NCOA7: variants seen among roughly 807,000 people sequenced by gnomAD.
The protein encoded by NCOA7 is 140 kDa estrogen receptor-associated protein.
Under a neutral mutation model 104.3 loss-of-function variants are expected in NCOA7, and 45 were observed. That is an observed-to-expected ratio of 0.43 (90% CI 0.34 to 0.55). The LOEUF is 0.55. Ranked by LOEUF, NCOA7 falls within the 20% of genes least tolerant of loss-of-function variation. The pLI is 0.02. For missense variants in NCOA7, 1,041 were observed against 1,119.7 expected (o/e 0.93, Z 1.00); for synonymous variants, 398 against 402.3 (o/e 0.99, Z 0.13).
At chr6:125,839,414 G>GT (rs1779917721) in intron 2 of NCOA7, among the ~76,000 whole-genome samples, 8 of 152,234 alleles carry the variant, frequency 5.3e-5, no homozygotes, top group African/African-American at 1.9e-4. Context: ...CACTGCGCGA[G>GT]GCCTAGGCCT....
At position 125,918,496 on chromosome 6, in the gene NCOA7, C is replaced by T. The variant is rs554994870; in HGVS notation, c.2245-2447C>T. Among the ~76,000 whole-genome samples, 15 of 152,218 alleles carry T rather than the reference C, an allele frequency of 9.9e-5. No homozygotes were observed. The South Asian group carries it at 2.3e-3, about 23-fold the overall frequency. On this transcript the variant is annotated intron_variant, in intron 11 of 15. Transcript: ENST00000392477. Reference sequence around the variant, plus strand: ...GAGCAATACAATACACTCTGATCCCCGCAGCTGTGCCCAAGACTGAAAGGC... The same window carrying T: ...GAGCAATACAATACACTCTGATCCCTGCAGCTGTGCCCAAGACTGAAAGGC...
intron 1 of NCOA7, among the ~76,000 whole-genome samples, chr6:125,797,002 C>G (rs2128548890): frequency 6.6e-6 from 1 of 152,298 alleles, no homozygotes; most frequent in South Asian, 2.1e-4. Flanking sequence ...TTTACTAATT[C>G]TCAAACATTG....
chr6:125,798,777 C>T (rs1775585502), intron 1 of NCOA7, among the ~76,000 whole-genome samples: 1 of 151,996 alleles, frequency 6.6e-6, no homozygotes, highest in Non-Finnish European at 1.5e-5. Flanking sequence ...ATTTGGTATC[C>T]ATATGTATTA....
Position 125,839,749 on chromosome 6 carries a change from A to T in NCOA7, c.51-15271A>T, listed in dbSNP as rs144696891. ...CCATAAGATTATGATGGGGCTAACAAATTCTATCATCCAGTAACATTGTCA... is the reference window on the plus strand; with the variant it reads ...CCATAAGATTATGATGGGGCTAACATATTCTATCATCCAGTAACATTGTCA... On this transcript the variant is annotated intron_variant, in intron 2 of 15. Transcript: ENST00000392477. Among the ~76,000 whole-genome samples the T allele has an allele frequency of 9.6e-3, 1,469 of 152,240 alleles. 26 individuals carry two copies. The highest frequency in any genetic ancestry group is 0.034 in the African/African-American group (1,397 of 41,492).
chr6:125,883,265 A>G (rs1036684373), intron 7 of NCOA7, among the ~76,000 whole-genome samples: 6 of 152,214 alleles, frequency 3.9e-5, no homozygotes, highest in Non-Finnish European at 8.8e-5. Flanking sequence ...AGTTTTAGAT[A>G]ATAGGAAAAA....
intron 2 of NCOA7, among the ~76,000 whole-genome samples, chr6:125,823,445 C>T (rs1009928995): frequency 9.9e-5 from 15 of 152,056 alleles, no homozygotes; most frequent in Admixed American, 9.8e-4. Context: ...GCTGCTAGTA[C>T]CTTATTTGAC....
In NCOA7 at chr6:125,927,599, C is replaced by G. The variant is rs1788145383; in HGVS notation, c.2524-64C>G. 3.2e-6 allele frequency: 4 copies of G among 1,248,698 alleles called. No individual in the cohort carries two copies. The South Asian group carries it at 3.6e-5, about 11-fold the overall frequency. 77.4% of individuals were successfully genotyped at this position (1,248,698 alleles called of 1,614,324 possible). ...AGAACATGATGTATCAAAAATATTCCAGAAAGCCTTGCTTTGGGGATTTAG... is the reference window on the plus strand; with the variant it reads ...AGAACATGATGTATCAAAAATATTCGAGAAAGCCTTGCTTTGGGGATTTAG... On this transcript the variant is annotated intron_variant, in intron 13 of 15. Transcript: ENST00000392477.
At chr6:125,853,276 T>A (rs1171995085) in intron 2 of NCOA7, among the ~76,000 whole-genome samples, 2 of 152,246 alleles carry the variant, frequency 1.3e-5, no homozygotes, top group Admixed American at 6.5e-5. Context: ...GAGACTTTAC[T>A]GAATTTATCA....
At chr6:125,798,489 G>T (rs1469901665) in intron 1 of NCOA7, among the ~76,000 whole-genome samples, 2 of 152,110 alleles carry the variant, frequency 1.3e-5, no homozygotes, top group African/African-American at 4.8e-5. Context: ...ATTATCAAGG[G>T]TGTTACTGTA....
chr6:125,857,523 C>T (rs964685680), intron 3 of NCOA7, among the ~76,000 whole-genome samples: 8 of 151,708 alleles, frequency 5.3e-5, no homozygotes, highest in African/African-American at 1.9e-4. Flanking sequence ...CTTCCGGCCT[C>T]GAAGTCCGAC....
chr6:125,813,448 A>G (rs1035075160), intron 1 of NCOA7, among the ~76,000 whole-genome samples: 1 of 146,678 alleles, frequency 6.8e-6, no homozygotes, highest in Non-Finnish European at 1.5e-5. Context: ...TGGGAAATGC[A>G]ATTTTTTTTT....
intron 3 of NCOA7, among the ~76,000 whole-genome samples, chr6:125,861,590 TAAATGG>T (rs1782054166): frequency 6.6e-6 from 1 of 152,120 alleles, no homozygotes; most frequent in Admixed American, 6.5e-5. Context: ...GGGTATAAAA[TAAATGG>T]AAATTATTTG....
intron 13 of NCOA7, among the ~76,000 whole-genome samples, chr6:125,924,681 A>C (rs1787871615): frequency 1.3e-5 from 2 of 152,230 alleles, no homozygotes; most frequent in Non-Finnish European, 2.9e-5. Flanking sequence ...CAGTGAGGGA[A>C]TATTTATTCA....
chr6:125,918,848 G>A (rs1031542957), intron 11 of NCOA7, among the ~76,000 whole-genome samples: 3 of 151,790 alleles, frequency 2.0e-5, no homozygotes, highest in East Asian at 3.9e-4. Context: ...TACCTCCACC[G>A]AAGGCTCCTT....
At chr6:125,880,648 C>T (rs1783749341) in intron 5 of NCOA7, among the ~76,000 whole-genome samples, 1 of 152,200 alleles carries the variant, frequency 6.6e-6, no homozygotes, top group African/African-American at 2.4e-5. Context: ...CTGCCTCAGC[C>T]TCCCCGAGTA....
At chr6:125,908,231 A>G (rs1202641607) in intron 10 of NCOA7, among the ~76,000 whole-genome samples, 1 of 152,232 alleles carries the variant, frequency 6.6e-6, no homozygotes, top group Non-Finnish European at 1.5e-5. Context: ...AGAATGCTTT[A>G]TGCCAAAATT....
intron 7 of NCOA7, among the ~76,000 whole-genome samples, chr6:125,883,876 C>T (rs1181967644): frequency 2.0e-5 from 3 of 152,080 alleles, no homozygotes; most frequent in Non-Finnish European, 4.4e-5. Context: ...TGTACCACCT[C>T]ATCCGGCTAA....
chr6:125,857,887 C>T (rs1282499227), intron 3 of NCOA7, among the ~76,000 whole-genome samples: 1 of 151,800 alleles, frequency 6.6e-6, no homozygotes, highest in Non-Finnish European at 1.5e-5. Flanking sequence ...CACCCGAGCC[C>T]AAAGCGTATG....
chr6:125,790,872 C>CCCGCGGGCGCGCGCCT (rs1262424553), upstream of NCOA7: 1 of 152,598 alleles, frequency 6.6e-6, no homozygotes, highest in Non-Finnish European at 1.5e-5. Flanking sequence ...GACGCGGGGC[C>CCCGCGGGCGCGCGCCT]CCGCGGGCGC....
Sources: allele counts gnomAD v4.1 joint callset (sites outside exome capture counted in the v4.1 genomes callset), GRCh38; gene constraint gnomAD v4.1.1; transcripts MANE v1.5; gene names NCBI Gene and HGNC (gene_info 2026-07-23, HGNC 2026-07-21).